The following CYFIP1 variants were observed in gnomAD, a reference collection of about 807,000 sequenced individuals.
CYFIP1 encodes cytoplasmic FMR1-interacting protein 1.
A neutral mutation model predicts 163.5 loss-of-function variants in CYFIP1; 58 were observed. The ratio of observed to expected loss-of-function variants is 0.35; its 90% CI spans 0.29 to 0.44. The LOEUF (loss-of-function observed/expected upper bound fraction) is 0.44. CYFIP1 is among the 20% of genes least tolerant of loss of function. The pLI is 1.00. For missense variants in CYFIP1, 1,338 were observed against 1,653.8 expected (o/e 0.81, Z 3.31); for synonymous variants, 663 against 660.7 (o/e 1.00, Z -0.05).
At position 22,918,817 on chromosome 15, in the gene CYFIP1, C is replaced by A. The variant is rs757556957; in HGVS notation, c.1401G>T (p.Arg467Ser). Reference protein sequence around the residue: ...MIKGLQVLMGRMESVFNHAIR... With the variant: ...MIKGLQVLMGSMESVFNHAIR... ...TGGCGTGGTTGAACACGCTCTCCATCCTGCCCATCAGCACCTGCAGGCCTT... is the reference window on the plus strand; with the variant it reads ...TGGCGTGGTTGAACACGCTCTCCATACTGCCCATCAGCACCTGCAGGCCTT... The change falls in exon 14 of 31, where the codon AGG (arginine) becomes AGT (serine). Residue 467 changes from arginine (R) to serine (S), a missense_variant. Physicochemically the swap from Arg to Ser is moderately radical, Grantham distance 110. Transcript: ENST00000617928. The A allele has an allele frequency of 1.2e-6, 2 of 1,612,928 alleles. No homozygotes were observed. Among genetic ancestry groups the A allele is most frequent in the Non-Finnish European group, 1.7e-6 (2 of 1,179,424 alleles).
intron 8 of CYFIP1, among the ~76,000 whole-genome samples, 181 bp from the exon 9 acceptor site, chr15:22,937,389 GGGATACAA>G (rs1172518132): frequency 2.0e-5 from 3 of 151,990 alleles, no homozygotes; most frequent in African/African-American, 4.8e-5. Context: ...CAGTGAAACT[GGGATACAA>G]AGCGGGGCTG....
intron 16 of CYFIP1, 141 bp downstream of exon 16, chr15:22,916,336 C>T (rs905307860): frequency 4.0e-5 from 27 of 672,600 alleles, no homozygotes; most frequent in East Asian, 1.6e-4. Context: ...GTACAGCCAC[C>T]GCCACAGAGG....
intron 17 of CYFIP1, among the ~76,000 whole-genome samples, chr15:22,912,881 A>G (rs1318740226): frequency 1.3e-5 from 2 of 152,166 alleles, no homozygotes; most frequent in African/African-American, 2.4e-5. Context: ...AGATCGTGCC[A>G]CTACACTCTA....
intron 22 of CYFIP1, among the ~76,000 whole-genome samples, chr15:22,897,381 CTGGATCT>C (rs1051843007): frequency 6.6e-6 from 1 of 151,560 alleles, no homozygotes; most frequent in Non-Finnish European, 1.5e-5. Flanking sequence ...TGTCAATCTG[CTGGATCT>C]TGTCATGATG....
intron 8 of CYFIP1, 111 bp downstream of exon 8, chr15:22,939,081 G>T: frequency 1.5e-6 from 2 of 1,365,116 alleles, no homozygotes; most frequent in Non-Finnish European, 2.0e-6. Context: ...ACACATGACA[G>T]CATGCAAATA....
At chr15:22,923,962 AAAAC>A (rs2061276314) in intron 13 of CYFIP1, among the ~76,000 whole-genome samples, 1 of 151,344 alleles carries the variant, frequency 6.6e-6, no homozygotes, top group South Asian at 2.1e-4. Context: ...AAAAAAAAAA[AAAAC>A]AAGAAAAAGA....
intron 1 of CYFIP1, among the ~76,000 whole-genome samples, chr15:22,956,565 C>T (rs1026964217): frequency 8.5e-5 from 13 of 152,082 alleles, no homozygotes; most frequent in Non-Finnish European, 1.3e-4. Flanking sequence ...CGTGGGAAAC[C>T]GGCCTTGGAC....
intron 30 of CYFIP1, chr15:22,872,529 G>A (rs1595482121): frequency 3.3e-6 from 1 of 307,526 alleles, no homozygotes; most frequent in East Asian, 7.5e-5. Flanking sequence ...AGAAAGCACA[G>A]ACTTCCAGGG....
At chr15:22,943,099 C>A in intron 6 of CYFIP1, 74 bp downstream of exon 6, 1 of 1,436,574 alleles carries the variant, frequency 7.0e-7, no homozygotes, top group Non-Finnish European at 9.6e-7. Flanking sequence ...AAGACGCACA[C>A]CTGCTGTGCA....
intron 10 of CYFIP1, 92 bp downstream of exon 10, chr15:22,933,710 G>T: frequency 1.1e-6 from 1 of 891,448 alleles, no homozygotes; most frequent in Non-Finnish European, 1.8e-6. Context: ...TGTTAACAGT[G>T]TTATCTCTAG....
Position 22,917,139 on chromosome 15 carries a change from C to T in CYFIP1, c.1675-509G>A. 4 of 1,444,068 alleles carry T rather than the reference C, an allele frequency of 2.8e-6. No individual in the cohort carries two copies. Among genetic ancestry groups the T allele is most frequent in the Non-Finnish European group, 3.6e-6 (4 of 1,105,042 alleles). The allele number at this position is 1,444,068 out of a possible 1,614,324, so 89.5% of individuals were successfully genotyped here. A position where few individuals can be genotyped will look rare whatever the true frequency, so the allele number is the denominator to read the frequency against. On this transcript the variant is annotated intron_variant, in intron 15 of 30. Coordinates refer to ENST00000617928, the MANE Select transcript of CYFIP1 (RefSeq NM_014608.6). The surrounding 1 kb of genome is among the most constrained non-coding windows in gnomAD (Gnocchi z 4.2). ...ACGCAGAGGGAGGCAGGGAGGGTGG[C>T]TGGCACCACGCACAGGCCGAGGGCC...
In CYFIP1 at chr15:22,870,010, G is replaced by A. The variant is rs370764190; in HGVS notation, c.*18C>T. ...AGAAAGGCATGCCATGTTGAGTTAC[G>A]GAGTGCAGCGCGTGCCCTCAGCTGC... On this transcript the variant is annotated 3_prime_UTR_variant, in exon 31 of 31. Transcript: ENST00000617928. The A allele has an allele frequency of 4.5e-5, 70 of 1,559,696 alleles. No homozygotes were observed. The highest frequency in any genetic ancestry group is 3.4e-4 in the Middle Eastern group (2 of 5,892).
At chr15:22,928,070 C>T in intron 11 of CYFIP1, 42 bp from the exon 12 acceptor site, 1 of 1,454,380 alleles carries the variant, frequency 6.9e-7, no homozygotes, top group Non-Finnish European at 9.0e-7. Context: ...CCAGCGCCCC[C>T]ACCCAGCTCC....
intron 13 of CYFIP1, 140 bp from the exon 14 acceptor site, chr15:22,918,998 C>T: frequency 3.1e-6 from 2 of 641,140 alleles, no homozygotes; most frequent in South Asian, 4.1e-5. Context: ...GCTGCCCTGC[C>T]CCAAAACGTC....
intron 11 of CYFIP1, among the ~76,000 whole-genome samples, chr15:22,929,955 A>G (rs2061486869): frequency 6.6e-6 from 1 of 151,564 alleles, no homozygotes; most frequent in Non-Finnish European, 1.5e-5. Flanking sequence ...CAAAAAAAAG[A>G]CTAGATTATG....
At position 22,925,875 on chromosome 15, in the gene CYFIP1, G is replaced by A. The variant is rs2061340927; in HGVS notation, c.1359+107C>T. Reference sequence around the variant, plus strand: ...CCAGATGGAAAGGGGTGCCCACACAGAAGCAATGAGTAAACAGGCAGTTTT... The same window carrying A: ...CCAGATGGAAAGGGGTGCCCACACAAAAGCAATGAGTAAACAGGCAGTTTT... On this transcript the variant is annotated intron_variant, in intron 13 of 30. Coordinates refer to ENST00000617928, the MANE Select transcript of CYFIP1 (RefSeq NM_014608.6). 41 of 1,496,242 alleles carry A rather than the reference G, an allele frequency of 2.7e-5. No homozygotes were observed. In the South Asian group the frequency reaches 5.0e-4, roughly 18 times the overall value. 92.7% of individuals were successfully genotyped at this position (1,496,242 alleles called of 1,614,324 possible).
At chr15:22,925,303 G>A (rs62011567) in intron 13 of CYFIP1, among the ~76,000 whole-genome samples, 34,793 of 152,000 alleles carry the variant, frequency 0.23, 4,297 homozygotes, top group South Asian at 0.33. Flanking sequence ...TCTCATACAC[G>A]GTAGATGACT....
intron 1 of CYFIP1, among the ~76,000 whole-genome samples, chr15:22,977,211 A>G (rs1341649038): frequency 2.0e-5 from 3 of 151,914 alleles, no homozygotes; most frequent in Admixed American, 6.6e-5. Context: ...AAAAAAAAAA[A>G]GAAAAATAAG....
chr15:22,968,541 A>G (rs2062987096), intron 1 of CYFIP1, among the ~76,000 whole-genome samples: 1 of 152,162 alleles, frequency 6.6e-6, no homozygotes, highest in African/African-American at 2.4e-5. Flanking sequence ...CTTAAAATAA[A>G]TCTCTCTAGA....
Sources: allele counts gnomAD v4.1 joint callset (sites outside exome capture counted in the v4.1 genomes callset), GRCh38; gene constraint gnomAD v4.1.1; non-coding constraint Gnocchi (gnomAD v3.1); transcripts MANE v1.5; gene names NCBI Gene and HGNC (gene_info 2026-07-23, HGNC 2026-07-21).